GRM7: variants seen among roughly 807,000 people sequenced by gnomAD.
The protein encoded by GRM7 is glutamate metabotropic receptor 7.
Under a neutral mutation model 84.5 loss-of-function variants are expected in GRM7, and 35 were observed. The ratio of observed to expected loss-of-function variants is 0.41; its 90% CI spans 0.32 to 0.55. The LOEUF (loss-of-function observed/expected upper bound fraction) is 0.55. Ranked by LOEUF, GRM7 falls within the 20% of genes least tolerant of loss-of-function variation. GRM7 has a pLI of 0.19. For missense variants in GRM7, 1,003 were observed against 1,194.6 expected, an observed-to-expected ratio of 0.84 and a Z score of 2.36; for synonymous variants, 487 against 455.1, an observed-to-expected ratio of 1.07 and a Z score of -0.89.
chr3:7,115,236 A>C (rs543906237), intron 1 of GRM7, among the ~76,000 whole-genome samples: 1 of 152,288 alleles, frequency 6.6e-6, no homozygotes, highest in Non-Finnish European at 1.5e-5. Context: ...TTTAATAAGT[A>C]CAAACTTTAG....
rs114008832 is a variant in GRM7 at position 7,584,997 on chromosome 3, C to A, written c.2451+5640C>A. Among the ~76,000 whole-genome samples, 567 of 152,294 alleles carry A rather than the reference C, an allele frequency of 3.7e-3. 3 individuals carry two copies. Among genetic ancestry groups the A allele is most frequent in the African/African-American group, 0.013 (546 of 41,558 alleles). The stretch of plus-strand genomic sequence containing the variant: ...GGTAACTTCCAGCCATATAAACATA[C>A]ACACATTTACACACATACCCAAACT... On this transcript the variant is annotated intron_variant, in intron 8 of 9. Transcript: ENST00000357716.
chr3:7,020,426 C>G (rs1575138437), intron 1 of GRM7, among the ~76,000 whole-genome samples: 1 of 152,120 alleles, frequency 6.6e-6, no homozygotes, highest in Non-Finnish European at 1.5e-5. Flanking sequence ...ACCAAATGTT[C>G]AATCAAATGC....
intron 2 of GRM7, among the ~76,000 whole-genome samples, chr3:7,178,305 T>C (rs1695221279): frequency 6.6e-6 from 1 of 152,218 alleles, no homozygotes; most frequent in African/African-American, 2.4e-5. Flanking sequence ...TCTTTTTCAT[T>C]GCCTTGTTTC....
At chr3:7,284,982 A>G (rs1699379292) in intron 2 of GRM7, among the ~76,000 whole-genome samples, 1 of 152,210 alleles carries the variant, frequency 6.6e-6, no homozygotes, top group African/African-American at 2.4e-5. Context: ...TGCAGCAGTT[A>G]TTTAGAACTT....
At chr3:7,101,451 C>T (rs569094776) in intron 1 of GRM7, among the ~76,000 whole-genome samples, 1 of 151,660 alleles carries the variant, frequency 6.6e-6, no homozygotes, top group Admixed American at 6.6e-5. Context: ...TATCTTTTCC[C>T]ACTTTTTTAC....
chr3:7,665,917 C>A (rs1417781727), intron 8 of GRM7, among the ~76,000 whole-genome samples: 1 of 152,116 alleles, frequency 6.6e-6, no homozygotes, highest in Non-Finnish European at 1.5e-5. Context: ...TATATGTGCA[C>A]CATACTTTGG....
At chr3:7,377,101 T>A (rs561213099) in intron 4 of GRM7, among the ~76,000 whole-genome samples, 3 of 152,348 alleles carry the variant, frequency 2.0e-5, no homozygotes, top group African/African-American at 7.2e-5. Context: ...ATGCACTAAC[T>A]ACTTATTTTT....
At chr3:7,523,246 T>C (rs932341894) in intron 7 of GRM7, among the ~76,000 whole-genome samples, 6 of 152,158 alleles carry the variant, frequency 3.9e-5, no homozygotes, top group African/African-American at 1.4e-4. Context: ...ATTGTGCCTT[T>C]CAACAAAAAG....
intron 5 of GRM7, among the ~76,000 whole-genome samples, chr3:7,432,968 T>C (rs1159572730): frequency 6.6e-6 from 1 of 152,044 alleles, no homozygotes; most frequent in Non-Finnish European, 1.5e-5. Flanking sequence ...AGATAATGAC[T>C]GAAGAATTTT....
chr3:6,991,325 C>A (rs911446891), intron 1 of GRM7, among the ~76,000 whole-genome samples: 2 of 152,170 alleles, frequency 1.3e-5, no homozygotes, highest in Non-Finnish European at 2.9e-5. Context: ...CTTTCTCCAC[C>A]CTTTCCCACC....
In GRM7 at chr3:7,186,707, A is replaced by G. The variant is rs534169902; in HGVS notation, c.736+40039A>G. 2.0e-4 allele frequency among the ~76,000 whole-genome samples: 31 copies of G among 152,088 alleles called. No homozygotes were observed. In the South Asian group the frequency reaches 5.0e-3, roughly 24 times the overall value. ...ACACATTTAATGTGTCATTGTCATAACCGTCTTTAGCTTGTCTTTCTGGTG... is the reference window on the plus strand; with the variant it reads ...ACACATTTAATGTGTCATTGTCATAGCCGTCTTTAGCTTGTCTTTCTGGTG... On this transcript the variant is annotated intron_variant, in intron 2 of 9. Transcript: ENST00000357716.
At chr3:7,221,191 C>T (rs1001199817) in intron 2 of GRM7, among the ~76,000 whole-genome samples, 1 of 152,174 alleles carries the variant, frequency 6.6e-6, no homozygotes, top group Non-Finnish European at 1.5e-5. Context: ...AGGTTATGTG[C>T]ATCTTTACTC....
rs56313913 is a variant in GRM7, at chr3:7,320,681, AGTGTGTGT to A, written c.1033+14061_1033+14068del. On this transcript the variant is annotated intron_variant, in intron 4 of 9. Coordinates refer to ENST00000357716, the MANE Select transcript of GRM7 (RefSeq NM_000844.4). The stretch of plus-strand genomic sequence containing the variant: ...TCCTGAACACCATCAGTGGGTGATC[AGTGTGTGT>A]GTGTGTGTGTGTGTGTGTGTGTGTG... 5.0e-4 allele frequency among the ~76,000 whole-genome samples: 70 copies of A among 141,252 alleles called. 1 individual carries two copies. The East Asian group carries it at 7.2e-3, about 15-fold the overall frequency. The allele number at this position is 141,252 out of a possible 152,430, so 92.7% of individuals were successfully genotyped here. A position where few individuals can be genotyped will look rare whatever the true frequency, so the allele number is the denominator to read the frequency against.
chr3:7,126,985 C>T (rs1022198004), intron 1 of GRM7, among the ~76,000 whole-genome samples: 1 of 152,216 alleles, frequency 6.6e-6, no homozygotes, highest in Non-Finnish European at 1.5e-5. Context: ...AAATGTTCTA[C>T]TTTATGGAAA....
chr3:7,346,253 TG>T (rs1265339302), intron 4 of GRM7, among the ~76,000 whole-genome samples: 8 of 151,948 alleles, frequency 5.3e-5, no homozygotes, highest in African/African-American at 1.4e-4. Context: ...ATTAGCCAAG[TG>T]GTTACCAGCT....
intron 2 of GRM7, among the ~76,000 whole-genome samples, chr3:7,202,083 T>C (rs1394380630): frequency 6.6e-6 from 1 of 152,138 alleles, no homozygotes; most frequent in Non-Finnish European, 1.5e-5. Flanking sequence ...CTGCTATCTA[T>C]TCTCCAGTAG....
chr3:7,427,346 C>T (rs1183314472), intron 5 of GRM7, among the ~76,000 whole-genome samples: 1 of 152,052 alleles, frequency 6.6e-6, no homozygotes, highest in African/African-American at 2.4e-5. Context: ...ATGTTATGCT[C>T]TTATGCTCTT....
At chr3:7,547,453 G>A (rs1393461255) in intron 7 of GRM7, among the ~76,000 whole-genome samples, 8 of 152,024 alleles carry the variant, frequency 5.3e-5, no homozygotes, top group South Asian at 2.1e-4. Context: ...TGATCTGCCC[G>A]CCTCGGCCTC....
At chr3:7,394,998 A>T (rs948826649) in intron 4 of GRM7, among the ~76,000 whole-genome samples, 73 of 150,690 alleles carry the variant, frequency 4.8e-4, no homozygotes, top group Non-Finnish European at 1.5e-4. Context: ...AAATTGCGCC[A>T]TTGCACTCCA....
Sources: gnomAD v4.1 joint callset for allele counts (sites outside exome capture counted in the v4.1 genomes callset) on GRCh38, gnomAD v4.1.1 for gene constraint, MANE v1.5 for transcripts, NCBI Gene and HGNC (gene_info 2026-07-23, HGNC 2026-07-21) for gene names.